Variants in ANKS1B observed in about 807,000 individuals in gnomAD.
ANKS1B encodes the protein ankyrin repeat and sterile alpha motif domain containing 1B, also known as ankyrin repeat and sterile alpha motif domain-containing protein 1B.
ANKS1B carries 36 observed loss-of-function variants against 148.3 expected under a neutral mutation model. The ratio of observed to expected loss-of-function variants is 0.24; its 90% CI spans 0.19 to 0.32. The LOEUF is 0.32. Among genes scored for constraint, ANKS1B ranks in the 10% least tolerant of loss-of-function variants. ANKS1B has a pLI of 1.00. For missense variants in ANKS1B, 1,157 were observed against 1,542.6 expected (o/e 0.75, Z 4.19); for synonymous variants, 542 against 560.8 (o/e 0.97, Z 0.47).
rs775532514 is a variant in ANKS1B, at chr12:98,797,302, C to T, written c.3342+1632G>A. On this transcript the variant is annotated intron_variant, in intron 22 of 26. Coordinates refer to ENST00000683438, the MANE Select transcript of ANKS1B (RefSeq NM_001352186.2). ...AATGTAGTGGTTAAAAGCCTGGGCT[C>T]TGGAGTCAGACAGACCCGAATTCCA... Among the ~76,000 whole-genome samples, 6 of 152,258 alleles carry T rather than the reference C, an allele frequency of 3.9e-5. No individual in the cohort carries two copies. In the South Asian group the frequency reaches 1.0e-3, roughly 26 times the overall value.
chr12:99,834,920 A>C (rs570807023), intron 1 of ANKS1B, among the ~76,000 whole-genome samples: 1 of 152,354 alleles, frequency 6.6e-6, no homozygotes, highest in South Asian at 2.1e-4. Flanking sequence ...CATTTCAAGC[A>C]ATGCAAAATA....
intron 12 of ANKS1B, among the ~76,000 whole-genome samples, chr12:99,317,970 T>C (rs970400798): frequency 3.3e-5 from 5 of 152,268 alleles, no homozygotes; most frequent in Non-Finnish European, 7.3e-5. Context: ...ATTAAGTTTA[T>C]TGATTTGCAT....
chr12:99,386,482 T>A (rs1481745610), intron 12 of ANKS1B, among the ~76,000 whole-genome samples: 1 of 151,662 alleles, frequency 6.6e-6, no homozygotes, highest in Non-Finnish European at 1.5e-5. Context: ...AAGTCAGTTA[T>A]GGGAAAGAAA....
intron 10 of ANKS1B, among the ~76,000 whole-genome samples, chr12:99,502,808 A>G (rs78137818): frequency 0.027 from 4,093 of 152,294 alleles, 167 homozygotes; most frequent in African/African-American, 0.091. Flanking sequence ...CTGCACTATT[A>G]CCTTAAAAGT....
At chr12:98,964,041 T>C (rs1568051898) in intron 17 of ANKS1B, among the ~76,000 whole-genome samples, 1 of 151,864 alleles carries the variant, frequency 6.6e-6, no homozygotes, top group Non-Finnish European at 1.5e-5. Context: ...GAGGTTGCGG[T>C]GAGTCGAGAT....
chr12:99,519,979 TTTTA>T (rs1287103668), intron 9 of ANKS1B, among the ~76,000 whole-genome samples: 9 of 152,318 alleles, frequency 5.9e-5, no homozygotes, highest in African/African-American at 2.2e-4. Context: ...TCTGCCTGCT[TTTTA>T]ACTTCTTGTT....
At chr12:98,757,918 A>G (rs1200701766) in intron 25 of ANKS1B, among the ~76,000 whole-genome samples, 1 of 115,894 alleles carries the variant, frequency 8.6e-6, no homozygotes, top group Non-Finnish European at 1.9e-5. Flanking sequence ...AGAGAGCTGC[A>G]TGTGTGTGCA....
rs12582066 is a variant in ANKS1B, at chr12:99,393,481, C to T, written c.1756+6150G>A. On this transcript the variant is annotated intron_variant, in intron 12 of 26. Coordinates refer to ENST00000683438, the MANE Select transcript of ANKS1B (RefSeq NM_001352186.2). ...ACTCAGATAAAGGTGATCTATATTA[C>T]AATGTGTTAAACAAATGGAAAGATT... Among the ~76,000 whole-genome samples, 569 of 152,316 alleles carry T rather than the reference C, an allele frequency of 3.7e-3. 35 individuals are homozygous for T. In the East Asian group the frequency reaches 0.087, roughly 23 times the overall value.
At chr12:99,430,471 C>T (rs995352573) in intron 11 of ANKS1B, among the ~76,000 whole-genome samples, 2 of 152,098 alleles carry the variant, frequency 1.3e-5, no homozygotes, top group African/African-American at 4.8e-5. Flanking sequence ...TCTTATCTTC[C>T]AAACACTGTA....
intron 12 of ANKS1B, among the ~76,000 whole-genome samples, chr12:99,324,859 G>A (rs1331329951): frequency 1.3e-5 from 2 of 151,904 alleles, no homozygotes; most frequent in South Asian, 2.1e-4. Flanking sequence ...GCTGTTATGT[G>A]GTCCTAACAC....
intron 8 of ANKS1B, among the ~76,000 whole-genome samples, chr12:99,759,981 T>C (rs745452602): frequency 4.0e-5 from 6 of 151,754 alleles, no homozygotes; most frequent in Non-Finnish European, 7.4e-5. Flanking sequence ...AACTGGCCAA[T>C]AATATATCTG....
intron 12 of ANKS1B, among the ~76,000 whole-genome samples, chr12:99,371,285 T>C (rs2093119251): frequency 6.6e-6 from 1 of 152,120 alleles, no homozygotes; most frequent in African/African-American, 2.4e-5. Context: ...TTTTACTGTA[T>C]GTTGTCTCTA....
intron 14 of ANKS1B, among the ~76,000 whole-genome samples, chr12:99,227,742 T>C (rs2086178668): frequency 6.6e-6 from 1 of 152,164 alleles, no homozygotes; most frequent in Admixed American, 6.5e-5. Context: ...CTTCTTACCA[T>C]TTGTATCACT....
chr12:98,758,376 T>TA (rs67053010), intron 25 of ANKS1B, among the ~76,000 whole-genome samples: 22 of 151,936 alleles, frequency 1.4e-4, no homozygotes, highest in Admixed American at 3.3e-4. Flanking sequence ...TAAGATAAAA[T>TA]AAAAAAAATT....
chr12:99,597,095 T>G (rs2097764321), intron 9 of ANKS1B, among the ~76,000 whole-genome samples: 1 of 151,994 alleles, frequency 6.6e-6, no homozygotes, highest in African/African-American at 2.4e-5. Flanking sequence ...CCAACACTAA[T>G]ATTGTCCATC....
At chr12:98,937,895 G>GAA (rs1555519687) in intron 17 of ANKS1B, among the ~76,000 whole-genome samples, 1 of 150,044 alleles carries the variant, frequency 6.7e-6, no homozygotes, top group South Asian at 2.1e-4. Flanking sequence ...CATGGCAGCA[G>GAA]GAGAGAGAGA....
chr12:99,624,706 C>T (rs1755586336), intron 9 of ANKS1B, among the ~76,000 whole-genome samples: 2 of 152,066 alleles, frequency 1.3e-5, no homozygotes, highest in Non-Finnish European at 2.9e-5. Flanking sequence ...AAAATACTAA[C>T]TCATACCAGT....
chr12:99,215,062 A>C (rs1038871580), intron 14 of ANKS1B, among the ~76,000 whole-genome samples: 3 of 152,326 alleles, frequency 2.0e-5, no homozygotes, highest in African/African-American at 7.2e-5. Context: ...GAGCTCTTAA[A>C]AGCATTCAGT....
chr12:99,311,301 A>C (rs1211059209), intron 12 of ANKS1B, among the ~76,000 whole-genome samples: 1 of 152,178 alleles, frequency 6.6e-6, no homozygotes. Flanking sequence ...AAATATACAG[A>C]AAAAGAAAGA....
Sources: gnomAD v4.1 joint callset for allele counts (sites outside exome capture counted in the v4.1 genomes callset) on GRCh38, gnomAD v4.1.1 for gene constraint, MANE v1.5 for transcripts, NCBI Gene and HGNC (gene_info 2026-07-23, HGNC 2026-07-21) for gene names.